The following DENND1A variants were observed in gnomAD, a reference collection of about 807,000 sequenced individuals.
DENND1A encodes DENN domain containing 1A, also known as DENN domain-containing protein 1A.
A neutral mutation model predicts 113.7 loss-of-function variants in DENND1A; 51 were observed. That is an observed-to-expected ratio of 0.45 (90% CI 0.36 to 0.57). DENND1A has a LOEUF of 0.57. DENND1A is among the 20% of genes least tolerant of loss of function. The pLI, the probability that DENND1A is intolerant of heterozygous loss-of-function variation, is 0.00. For missense variants in DENND1A, 1,258 were observed against 1,395.9 expected, an observed-to-expected ratio of 0.90 and a Z score of 1.57; for synonymous variants, 565 against 570.8, an observed-to-expected ratio of 0.99 and a Z score of 0.14.
chr9:123,746,619 A>C (rs1008009529), intron 5 of DENND1A, among the ~76,000 whole-genome samples: 2 of 152,194 alleles, frequency 1.3e-5, no homozygotes, highest in African/African-American at 4.8e-5. Context: ...AAAAGCTTTT[A>C]GAGCATTTTG....
chr9:123,915,898 G>A (rs1169055526), intron 1 of DENND1A, among the ~76,000 whole-genome samples: 2 of 152,100 alleles, frequency 1.3e-5, no homozygotes, highest in Non-Finnish European at 2.9e-5. Flanking sequence ...CAAACACTCT[G>A]TTGATGAAGC....
chr9:123,877,862 C>A (rs1847738921), intron 2 of DENND1A, among the ~76,000 whole-genome samples: 1 of 151,862 alleles, frequency 6.6e-6, no homozygotes, highest in Non-Finnish European at 1.5e-5. Context: ...AAAAAATAAA[C>A]TGTAGAGTTA....
intron 2 of DENND1A, among the ~76,000 whole-genome samples, chr9:123,867,324 C>CTGTA (rs1424761041): frequency 2.0e-5 from 3 of 152,050 alleles, no homozygotes; most frequent in Admixed American, 6.6e-5. Flanking sequence ...GTTCCACTCT[C>CTGTA]TACAGAGTCT....
chr9:123,872,100 T>C (rs1453306095), intron 2 of DENND1A, among the ~76,000 whole-genome samples: 1 of 152,200 alleles, frequency 6.6e-6, no homozygotes, highest in Non-Finnish European at 1.5e-5. Context: ...TGTCTTGATT[T>C]TCTGGGATCC....
intron 12 of DENND1A, among the ~76,000 whole-genome samples, chr9:123,569,111 G>A (rs111298867): frequency 0.018 from 2,696 of 152,230 alleles, 76 homozygotes; most frequent in African/African-American, 0.061. Context: ...TTAATTACCC[G>A]GGGTAAAATG....
intron 1 of DENND1A, among the ~76,000 whole-genome samples, chr9:123,910,445 A>C (rs1036451138): frequency 2.6e-5 from 4 of 152,244 alleles, no homozygotes; most frequent in African/African-American, 4.8e-5. Flanking sequence ...TGTATAACTT[A>C]TATCATACAT....
At chr9:123,658,690 T>C (rs969174095) in intron 8 of DENND1A, among the ~76,000 whole-genome samples, 13 of 152,222 alleles carry the variant, frequency 8.5e-5, no homozygotes, top group Middle Eastern at 6.8e-3. Context: ...CTCCTGGGGG[T>C]GGCTACATGT....
chr9:123,571,825 T>C (rs929448204), intron 12 of DENND1A, among the ~76,000 whole-genome samples: 1 of 152,118 alleles, frequency 6.6e-6, no homozygotes, highest in South Asian at 2.1e-4. Flanking sequence ...AGGTGTGGGA[T>C]TGTTGGGTTG....
At chr9:123,870,609 G>A (rs940549776) in intron 2 of DENND1A, among the ~76,000 whole-genome samples, 5 of 152,038 alleles carry the variant, frequency 3.3e-5, no homozygotes, top group Admixed American at 2.6e-4. Context: ...GCTGATTTTT[G>A]TATTTTTAGT....
intron 13 of DENND1A, among the ~76,000 whole-genome samples, chr9:123,546,945 T>A (rs2056739402): frequency 6.6e-6 from 1 of 152,248 alleles, no homozygotes; most frequent in Non-Finnish European, 1.5e-5. Flanking sequence ...TTGAGATTGA[T>A]CATAGTGTTT....
intron 1 of DENND1A, among the ~76,000 whole-genome samples, chr9:123,897,206 T>C (rs1431334243): frequency 6.6e-6 from 1 of 152,172 alleles, no homozygotes; most frequent in Non-Finnish European, 1.5e-5. Context: ...GAGTAGCAGA[T>C]GAAATGGGAT....
At chr9:123,399,763 G>C (rs1204114429) in intron 21 of DENND1A, among the ~76,000 whole-genome samples, 1 of 152,232 alleles carries the variant, frequency 6.6e-6, no homozygotes, top group Non-Finnish European at 1.5e-5. Flanking sequence ...CCAGACTAAA[G>C]ATGAACCCTG....
intron 12 of DENND1A, among the ~76,000 whole-genome samples, chr9:123,563,106 C>T (rs2057855432): frequency 6.6e-6 from 1 of 152,164 alleles, no homozygotes; most frequent in African/African-American, 2.4e-5. Flanking sequence ...AAGTGATATT[C>T]ATTCCTCTTC....
chr9:123,900,257 C>T (rs1851400617), intron 1 of DENND1A, among the ~76,000 whole-genome samples: 1 of 152,156 alleles, frequency 6.6e-6, no homozygotes, highest in Non-Finnish European at 1.5e-5. Flanking sequence ...CCAGTCAACA[C>T]CAAACTGCAT....
At chr9:123,469,735 C>A (rs1340039826) in intron 13 of DENND1A, among the ~76,000 whole-genome samples, 1 of 152,206 alleles carries the variant, frequency 6.6e-6, no homozygotes, top group Non-Finnish European at 1.5e-5. Context: ...AGCCCTAAAC[C>A]AGCACTGGGT....
intron 1 of DENND1A, among the ~76,000 whole-genome samples, chr9:123,900,746 T>C (rs1851489123): frequency 6.6e-6 from 1 of 152,184 alleles, no homozygotes; most frequent in Non-Finnish European, 1.5e-5. Context: ...ATAAAAATAC[T>C]TACTTCATAG....
intron 2 of DENND1A, among the ~76,000 whole-genome samples, chr9:123,839,322 C>T (rs1841491517): frequency 1.3e-5 from 2 of 152,148 alleles, no homozygotes; most frequent in Non-Finnish European, 2.9e-5. Context: ...TACAACAGAC[C>T]TCTCCACCTC....
intron 2 of DENND1A, among the ~76,000 whole-genome samples, chr9:123,872,162 A>C (rs1329498150): frequency 1.3e-5 from 2 of 152,226 alleles, no homozygotes; most frequent in African/African-American, 4.8e-5. Flanking sequence ...TCACAAAATG[A>C]AGTGTGGCAA....
rs564178020 is a variant in DENND1A at position 123,870,585 on chromosome 9, T to C, written c.88+8366A>G. Among the ~76,000 whole-genome samples, 8 of 152,058 alleles carry C rather than the reference T, an allele frequency of 5.3e-5. No homozygotes were observed. In the East Asian group the frequency reaches 7.7e-4, roughly 15 times the overall value. On this transcript the variant is annotated intron_variant, in intron 2 of 23. Coordinates refer to ENST00000394215, the MANE Select transcript of DENND1A (RefSeq NM_001352964.2). The stretch of plus-strand genomic sequence containing the variant: ...CTGAGTAGCTTGAATTACAGGTGCA[T>C]GCCACCACACCCAGCTGATTTTTGT...
Sources: gnomAD v4.1 joint callset for allele counts (sites outside exome capture counted in the v4.1 genomes callset) on GRCh38, gnomAD v4.1.1 for gene constraint, MANE v1.5 for transcripts, NCBI Gene and HGNC (gene_info 2026-07-23, HGNC 2026-07-21) for gene names.